Variants in C8orf34 observed in about 807,000 individuals in gnomAD.
The protein encoded by C8orf34 is uncharacterized protein C8orf34.
Under a neutral mutation model 68.3 loss-of-function variants are expected in C8orf34, and 65 were observed. The ratio of observed to expected loss-of-function variants is 0.95; its 90% confidence interval spans 0.78 to 1.17. The LOEUF is 1.17. C8orf34 is among the 50% of genes most tolerant of loss of function. C8orf34 has a pLI of 0.00. For missense variants in C8orf34, 664 were observed against 655.4 expected (o/e 1.01, Z -0.14); for synonymous variants, 244 against 241.2 (o/e 1.01, Z -0.11).
At chr8:68,376,856 C>T (rs1352883341) in intron 1 of C8orf34, among the ~76,000 whole-genome samples, 1 of 152,094 alleles carries the variant, frequency 6.6e-6, no homozygotes, top group African/African-American at 2.4e-5. Flanking sequence ...ACAGAGTCCT[C>T]TGTTTCCAAT....
At chr8:68,412,878 G>A (rs890855308) in intron 1 of C8orf34, among the ~76,000 whole-genome samples, 4 of 152,048 alleles carry the variant, frequency 2.6e-5, no homozygotes, top group African/African-American at 4.8e-5. Flanking sequence ...CCACTTCTTC[G>A]TTGTCCCTTA....
chr8:68,693,708 C>G lies in C8orf34; in HGVS notation c.1242-15286C>G, dbSNP rs554705666. 7.2e-5 allele frequency among the ~76,000 whole-genome samples: 11 copies of G among 152,166 alleles called. No homozygotes were observed. The South Asian group carries it at 1.2e-3, about 17-fold the overall frequency. On this transcript the variant is annotated intron_variant, in intron 8 of 13. Transcript: ENST00000518698. Reference sequence around the variant, plus strand: ...CCAATAAAATGACATTTCCATCTAACCAGTTGAGCCTGTGAAAACAAGTAC... The same window carrying G: ...CCAATAAAATGACATTTCCATCTAAGCAGTTGAGCCTGTGAAAACAAGTAC...
intron 7 of C8orf34, among the ~76,000 whole-genome samples, chr8:68,538,757 A>G (rs1815587317): frequency 6.6e-6 from 1 of 152,126 alleles, no homozygotes; most frequent in Non-Finnish European, 1.5e-5. Flanking sequence ...AAAGCACTAA[A>G]TTTTTCATTT....
intron 7 of C8orf34, among the ~76,000 whole-genome samples, chr8:68,539,353 C>T (rs148197819): frequency 2.0e-5 from 3 of 152,200 alleles, no homozygotes; most frequent in African/African-American, 4.8e-5. Context: ...TAGTTTTATT[C>T]GTGGTTGAAA....
chr8:68,500,703 A>C (rs1563489127), intron 5 of C8orf34, among the ~76,000 whole-genome samples: 1 of 152,198 alleles, frequency 6.6e-6, no homozygotes, highest in Non-Finnish European at 1.5e-5. Context: ...GGTAGGGCAA[A>C]GTGTCAACCA....
chr8:68,764,427 AGCACTTCTACCAGT>A (rs1823111448), intron 10 of C8orf34, among the ~76,000 whole-genome samples: 1 of 152,176 alleles, frequency 6.6e-6, no homozygotes, highest in South Asian at 2.1e-4. Flanking sequence ...TGTAGGAGAG[AGCACTTCTACCAGT>A]GCAGTCAGTG....
At chr8:68,689,474 G>A (rs1229711597) in intron 8 of C8orf34, among the ~76,000 whole-genome samples, 1 of 152,074 alleles carries the variant, frequency 6.6e-6, no homozygotes, top group Non-Finnish European at 1.5e-5. Flanking sequence ...CCCAGGTAAT[G>A]TGGCCTCACA....
chr8:68,524,788 T>C lies in C8orf34; in HGVS notation c.938+2817T>C, dbSNP rs542110354. Among the ~76,000 whole-genome samples the C allele has an allele frequency of 6.6e-5, 10 of 152,318 alleles. No individual in the cohort carries two copies. The East Asian group carries it at 1.5e-3, about 23-fold the overall frequency. On this transcript the variant is annotated intron_variant, in intron 6 of 13. Coordinates refer to ENST00000518698, the MANE Select transcript of C8orf34 (RefSeq NM_052958.4). ...AATTTAATAAGCCTATATACTCTTATTTTAAGCCATTTTAATTAAACTTTG... is the reference window on the plus strand; with the variant it reads ...AATTTAATAAGCCTATATACTCTTACTTTAAGCCATTTTAATTAAACTTTG...
intron 7 of C8orf34, among the ~76,000 whole-genome samples, chr8:68,558,100 A>C (rs138880177): frequency 2.4e-3 from 362 of 152,308 alleles, no homozygotes; most frequent in African/African-American, 7.7e-3. Context: ...TCTGGCTTTC[A>C]TCTGCTGATC....
chr8:68,787,556 T>A lies in C8orf34; in HGVS notation c.1549+20T>A. On this transcript the variant is annotated intron_variant, in intron 12 of 13. Coordinates refer to ENST00000518698, the MANE Select transcript of C8orf34 (RefSeq NM_052958.4). ...AGAAACGTGAGTAGACACTATTGTTTATTGACAAATTTCTTTTACCAGAAG... is the reference window on the plus strand; with the variant it reads ...AGAAACGTGAGTAGACACTATTGTTAATTGACAAATTTCTTTTACCAGAAG... The A allele has an allele frequency of 6.5e-7, 1 of 1,528,346 alleles. No individual in the cohort carries two copies. Among genetic ancestry groups the A allele is most frequent in the Non-Finnish European group, 8.9e-7 (1 of 1,117,798 alleles). The allele number at this position is 1,528,346 out of a possible 1,614,324, so 94.7% of individuals were successfully genotyped here. A position where few individuals can be genotyped will look rare whatever the true frequency, so the allele number is the denominator to read the frequency against.
chr8:68,400,205 C>A (rs982570750), intron 1 of C8orf34, among the ~76,000 whole-genome samples: 12 of 152,010 alleles, frequency 7.9e-5, no homozygotes, highest in African/African-American at 2.9e-4. Flanking sequence ...TTTTTGTTGC[C>A]TGTGCTTTTG....
At chr8:68,720,048 G>T (rs1324131065) in intron 9 of C8orf34, among the ~76,000 whole-genome samples, 1 of 151,812 alleles carries the variant, frequency 6.6e-6, no homozygotes, top group African/African-American at 2.4e-5. Flanking sequence ...TTTACAAGTG[G>T]ATTAATAGTT....
intron 10 of C8orf34, among the ~76,000 whole-genome samples, chr8:68,747,398 G>C (rs972892764): frequency 1.3e-5 from 2 of 149,930 alleles, no homozygotes; most frequent in African/African-American, 4.9e-5. Flanking sequence ...AATTAGGCAG[G>C]AGAAGGAAAT....
chr8:68,563,763 T>G (rs1024456672), intron 7 of C8orf34, among the ~76,000 whole-genome samples: 1 of 152,094 alleles, frequency 6.6e-6, no homozygotes, highest in Admixed American at 6.6e-5. Context: ...GTCCTCAAAA[T>G]TTTCATAGAT....
intron 10 of C8orf34, among the ~76,000 whole-genome samples, chr8:68,765,273 G>A (rs768793319): frequency 6.6e-6 from 1 of 152,230 alleles, no homozygotes; most frequent in Non-Finnish European, 1.5e-5. Context: ...CCCAATGTGC[G>A]TAAGCATAAG....
chr8:68,752,670 T>C (rs1563649173), intron 10 of C8orf34, among the ~76,000 whole-genome samples: 2 of 152,134 alleles, frequency 1.3e-5, no homozygotes, highest in African/African-American at 2.4e-5. Context: ...GCAAGCTTCG[T>C]TGTGGATGCG....
At chr8:68,803,895 A>G (rs1447685150) in intron 12 of C8orf34, among the ~76,000 whole-genome samples, 1 of 152,112 alleles carries the variant, frequency 6.6e-6, no homozygotes, top group Non-Finnish European at 1.5e-5. Context: ...GGCAGTGTTG[A>G]AAGTGTTCTT....
At chr8:68,416,689 C>T (rs1274927002) in intron 1 of C8orf34, among the ~76,000 whole-genome samples, 2 of 151,956 alleles carry the variant, frequency 1.3e-5, no homozygotes, top group Non-Finnish European at 2.9e-5. Flanking sequence ...TGTCACCATG[C>T]CTGCCTAATT....
intron 9 of C8orf34, 37 bp downstream of exon 9, chr8:68,709,116 A>C: frequency 6.8e-7 from 1 of 1,469,252 alleles, no homozygotes; most frequent in Non-Finnish European, 9.5e-7. Context: ...TTGCAGTTCT[A>C]GTGGCACTTA....
Sources: gnomAD v4.1 joint callset for allele counts (sites outside exome capture counted in the v4.1 genomes callset) on GRCh38, gnomAD v4.1.1 for gene constraint, MANE v1.5 for transcripts, NCBI Gene and HGNC (gene_info 2026-07-23, HGNC 2026-07-21) for gene names.